The following RIMS1 variants were observed in gnomAD, a reference collection of about 807,000 sequenced individuals.
RIMS1 encodes the protein regulating synaptic membrane exocytosis protein 1.
In RIMS1, 83 loss-of-function variants were observed where a neutral mutation model predicts 214.1. The ratio of observed to expected loss-of-function variants is 0.39; its 90% CI spans 0.32 to 0.47. The LOEUF (loss-of-function observed/expected upper bound fraction) is 0.47, where lower values mean the gene tolerates loss of function less well. RIMS1 is among the 20% of genes least tolerant of loss of function. RIMS1 has a pLI of 0.99. For missense variants in RIMS1, 2,050 were observed against 2,161.8 expected (o/e 0.95, Z 1.03); for synonymous variants, 793 against 786.8 (o/e 1.01, Z -0.13).
intron 2 of RIMS1, among the ~76,000 whole-genome samples, chr6:72,049,919 T>C (rs892213448): frequency 6.6e-6 from 1 of 152,180 alleles, no homozygotes; most frequent in Non-Finnish European, 1.5e-5. Context: ...AAATTCTCTT[T>C]TTAAGTGTAA....
chr6:72,343,989 A>G (rs1029002688), intron 29 of RIMS1, among the ~76,000 whole-genome samples: 1 of 151,836 alleles, frequency 6.6e-6, no homozygotes, highest in African/African-American at 2.4e-5. Flanking sequence ...ATCTAAAGGG[A>G]TAGTGCTTGA....
chr6:72,126,005 A>G (rs184670108), intron 4 of RIMS1, among the ~76,000 whole-genome samples: 1 of 152,204 alleles, frequency 6.6e-6, no homozygotes, highest in Non-Finnish European at 1.5e-5. Flanking sequence ...CCACTGTCCA[A>G]CCATTCCCAG....
chr6:71,976,401 A>T (rs1038927732), intron 2 of RIMS1, among the ~76,000 whole-genome samples: 5 of 152,128 alleles, frequency 3.3e-5, no homozygotes, highest in Admixed American at 3.3e-4. Flanking sequence ...TAAGAATAAA[A>T]TTGGGTTTTC....
chr6:72,089,688 TA>T (rs1835643573), intron 2 of RIMS1, among the ~76,000 whole-genome samples: 3 of 151,438 alleles, frequency 2.0e-5, no homozygotes, highest in Admixed American at 1.3e-4. Flanking sequence ...CAAATGACTA[TA>T]AATCATGCTG....
At chr6:72,077,989 TC>T (rs951316194) in intron 2 of RIMS1, among the ~76,000 whole-genome samples, 1 of 152,100 alleles carries the variant, frequency 6.6e-6, no homozygotes, top group Non-Finnish European at 1.5e-5. Flanking sequence ...TATAACACAA[TC>T]CCCCCTTGCC....
At chr6:72,321,522 A>G (rs1170814928) in intron 28 of RIMS1, among the ~76,000 whole-genome samples, 1 of 152,124 alleles carries the variant, frequency 6.6e-6, no homozygotes, top group African/African-American at 2.4e-5. Context: ...GTATTTTAAC[A>G]GAATAATTAT....
Position 71,887,061 on chromosome 6 carries a change from C to T in RIMS1, c.38C>T (p.Pro13Leu). 1 of 1,613,580 alleles carries T rather than the reference C, an allele frequency of 6.2e-7. No individual in the cohort carries two copies. Among genetic ancestry groups the T allele is most frequent in the Non-Finnish European group, 8.5e-7 (1 of 1,179,724 alleles). The change falls in exon 1 of 34, where the codon CCC becomes CTC. Residue 13 changes from proline to leucine, a missense_variant. Physicochemically the swap from Pro to Leu is moderately conservative, Grantham distance 98. Transcript: ENST00000521978. ...SAVGPRGPRP[P>L]TVPPPMQELP... Reference sequence around the variant, plus strand: ...GTGGGGCCCCGCGGTCCTCGCCCACCCACGGTGCCTCCCCCCATGCAAGAG... The same window carrying T: ...GTGGGGCCCCGCGGTCCTCGCCCACTCACGGTGCCTCCCCCCATGCAAGAG...
intron 22 of RIMS1, among the ~76,000 whole-genome samples, chr6:72,268,654 G>A (rs530567173): frequency 1.3e-5 from 2 of 152,204 alleles, no homozygotes; most frequent in Admixed American, 6.5e-5. Context: ...TACACCTATC[G>A]TTTCTCCCTT....
chr6:72,146,925 G>A (rs928467092), intron 4 of RIMS1, among the ~76,000 whole-genome samples: 4 of 149,138 alleles, frequency 2.7e-5, no homozygotes, highest in African/African-American at 4.9e-5. Flanking sequence ...GTGTAGATAC[G>A]GTCTGACTCT....
At chr6:72,025,338 A>T (rs1035036567) in intron 2 of RIMS1, among the ~76,000 whole-genome samples, 1 of 152,242 alleles carries the variant, frequency 6.6e-6, no homozygotes, top group African/African-American at 2.4e-5. Flanking sequence ...ACACTCACAC[A>T]TAGTGTGAAG....
chr6:72,103,610 G>T (rs1263199973), intron 4 of RIMS1, among the ~76,000 whole-genome samples: 1 of 152,052 alleles, frequency 6.6e-6, no homozygotes, highest in African/African-American at 2.4e-5. Context: ...AAAAAGTTAA[G>T]GACTATGGAC....
chr6:72,182,358 C>T lies in RIMS1; in HGVS notation c.887C>T (p.Thr296Ile). 6.2e-7 allele frequency: 1 copy of T among 1,613,812 alleles called. No individual in the cohort carries two copies. The part of the protein sequence containing the change: ...LKSERKRVPK[T>I]SAQPVEGAVE... ...AGCGAGCGGAAACGCGTGCCAAAGA[C>T]CTCAGCGCAGCCCGTGGAGGGGGCC... The change falls in exon 6 of 34, where the codon ACC becomes ATC. Residue 296 changes from threonine to isoleucine, a missense_variant. Physicochemically the swap from Thr to Ile is moderately conservative, Grantham distance 89 (BLOSUM62 -1). Coordinates refer to ENST00000521978, the MANE Select transcript of RIMS1 (RefSeq NM_014989.7).
At chr6:72,225,282 A>G (rs1255760371) in intron 6 of RIMS1, among the ~76,000 whole-genome samples, 1 of 152,190 alleles carries the variant, frequency 6.6e-6, no homozygotes, top group East Asian at 1.9e-4. Context: ...TCAGTCCCAC[A>G]TAATTACTTC....
At chr6:72,205,205 GA>G (rs139064982) in intron 6 of RIMS1, among the ~76,000 whole-genome samples, 1,681 of 151,798 alleles carry the variant, frequency 0.011, 9 homozygotes, top group Non-Finnish European at 0.017. Context: ...TAATGACAGA[GA>G]AAAAAAATTA....
At chr6:72,282,050 G>A (rs1227640450) in intron 23 of RIMS1, among the ~76,000 whole-genome samples, 3 of 151,880 alleles carry the variant, frequency 2.0e-5, no homozygotes, top group African/African-American at 7.3e-5. Context: ...ATGAATGAAT[G>A]AGTGGAAATT....
intron 19 of RIMS1, 23 bp downstream of exon 19, chr6:72,260,790 G>A (rs758167330): frequency 6.2e-7 from 1 of 1,610,442 alleles, no homozygotes; most frequent in Non-Finnish European, 8.5e-7. Context: ...ATTTGGTAAT[G>A]GTGACTGTGT....
At chr6:71,954,530 G>A (rs139186882) in intron 1 of RIMS1, among the ~76,000 whole-genome samples, 138 of 152,178 alleles carry the variant, frequency 9.1e-4, no homozygotes, top group African/African-American at 3.1e-3. Context: ...GTAAAAAGAA[G>A]TAAATTATTT....
chr6:71,936,392 T>A (rs1020034791), intron 1 of RIMS1, among the ~76,000 whole-genome samples: 10 of 147,926 alleles, frequency 6.8e-5, no homozygotes, highest in Non-Finnish European at 1.5e-4. Context: ...TATAAGGGAC[T>A]GATGACTGTA....
At chr6:72,130,821 T>C (rs1223921306) in intron 4 of RIMS1, among the ~76,000 whole-genome samples, 1 of 152,156 alleles carries the variant, frequency 6.6e-6, no homozygotes, top group African/African-American at 2.4e-5. Flanking sequence ...TGAAAAATAA[T>C]ATTTATAAGC....
Sources: allele counts gnomAD v4.1 joint callset (sites outside exome capture counted in the v4.1 genomes callset), GRCh38; gene constraint gnomAD v4.1.1; transcripts MANE v1.5; gene names NCBI Gene and HGNC (gene_info 2026-07-23, HGNC 2026-07-21).